The following CNTNAP2 variants were observed in gnomAD, a reference collection of about 807,000 sequenced individuals.
CNTNAP2 encodes contactin-associated protein-like 2.
A neutral mutation model predicts 155.2 loss-of-function variants in CNTNAP2; 98 were observed. That is an observed-to-expected ratio of 0.63 (90% CI 0.54 to 0.75). The LOEUF (loss-of-function observed/expected upper bound fraction) is 0.75. Among genes scored for constraint, CNTNAP2 ranks in the 30% least tolerant of loss-of-function variants. CNTNAP2 has a pLI of 0.00. For synonymous variants in CNTNAP2, 651 were observed against 631.2 expected (o/e 1.03, Z -0.47); for missense variants, 1,727 against 1,688.1 (o/e 1.02, Z -0.40).
intron 5 of CNTNAP2, among the ~76,000 whole-genome samples, chr7:147,111,941 A>G (rs992367572): frequency 2.6e-5 from 4 of 152,156 alleles, no homozygotes; most frequent in African/African-American, 9.7e-5. Context: ...TATTGAATCT[A>G]TGTATTGCTT....
rs1260900040 is a variant in CNTNAP2 at position 148,420,992 on chromosome 7, C to T, written c.*5376C>T. 1 of 152,496 alleles carries T rather than the reference C, an allele frequency of 6.6e-6. No individual in the cohort carries two copies. Among genetic ancestry groups the T allele is most frequent in the Non-Finnish European group, 1.5e-5 (1 of 68,034 alleles). 9.4% of individuals were successfully genotyped at this position (152,496 alleles called of 1,614,324 possible). A position where few individuals can be genotyped will look rare whatever the true frequency, so the allele number is the denominator to read the frequency against. On this transcript the variant is annotated 3_prime_UTR_variant, in exon 24 of 24. Transcript: ENST00000361727. ...AAAAATTCAAAGTAGTTTTAATTAT[C>T]CTAAAAGCGATTCTTCGTGTTTTGT...
At chr7:147,796,527 G>GA (rs908497482) in intron 13 of CNTNAP2, among the ~76,000 whole-genome samples, 1 of 151,560 alleles carries the variant, frequency 6.6e-6, no homozygotes, top group African/African-American at 2.4e-5. Flanking sequence ...CAGAGCAGTA[G>GA]AAGACATGGC....
chr7:146,821,365 G>A (rs1004091649), intron 2 of CNTNAP2, among the ~76,000 whole-genome samples: 1 of 152,040 alleles, frequency 6.6e-6, no homozygotes, highest in Non-Finnish European at 1.5e-5. Context: ...GCCTGGTGGT[G>A]ACAAAATCTC....
intron 8 of CNTNAP2, among the ~76,000 whole-genome samples, chr7:147,283,518 T>C (rs1424499063): frequency 6.6e-6 from 1 of 151,898 alleles, no homozygotes; most frequent in East Asian, 1.9e-4. Context: ...AAAAAAAGAT[T>C]ATCTGTGGAT....
At chr7:147,646,678 G>A (rs1795369308) in intron 13 of CNTNAP2, among the ~76,000 whole-genome samples, 1 of 152,148 alleles carries the variant, frequency 6.6e-6, no homozygotes, top group Non-Finnish European at 1.5e-5. Context: ...CTGAAGCAAG[G>A]GAGGAGCAGG....
At chr7:146,160,562 T>A (rs1798202357) in intron 1 of CNTNAP2, among the ~76,000 whole-genome samples, 3 of 152,164 alleles carry the variant, frequency 2.0e-5, no homozygotes, top group African/African-American at 7.2e-5. Context: ...GATCAGAGAA[T>A]ACTACAAACA....
intron 4 of CNTNAP2, among the ~76,000 whole-genome samples, chr7:147,094,116 C>T (rs1212086664): frequency 6.6e-6 from 1 of 152,110 alleles, no homozygotes; most frequent in Non-Finnish European, 1.5e-5. Flanking sequence ...CCCCATGGCA[C>T]CTCTATACAT....
intron 10 of CNTNAP2, among the ~76,000 whole-genome samples, chr7:147,436,641 A>G (rs562200424): frequency 2.6e-5 from 4 of 152,182 alleles, no homozygotes; most frequent in Non-Finnish European, 2.9e-5. Context: ...CCTGAGCTCA[A>G]CTCCACTGAA....
intron 14 of CNTNAP2, among the ~76,000 whole-genome samples, chr7:147,961,599 A>G (rs1281289774): frequency 6.6e-6 from 1 of 152,188 alleles, no homozygotes; most frequent in Non-Finnish European, 1.5e-5. Flanking sequence ...AAATGAGAGA[A>G]CATTTCTATT....
intron 21 of CNTNAP2, among the ~76,000 whole-genome samples, chr7:148,356,033 T>A (rs1406092216): frequency 1.3e-5 from 2 of 152,240 alleles, no homozygotes; most frequent in African/African-American, 4.8e-5. Context: ...TCTTATTTTA[T>A]TGTGAAAAGA....
At chr7:146,767,247 C>T (rs979660975) in intron 1 of CNTNAP2, among the ~76,000 whole-genome samples, 5 of 152,102 alleles carry the variant, frequency 3.3e-5, no homozygotes, top group Non-Finnish European at 7.4e-5. Context: ...AAGTTAGTTG[C>T]TTCTGCCATG....
intron 1 of CNTNAP2, among the ~76,000 whole-genome samples, chr7:146,160,723 C>CA (rs1479915982): frequency 1.3e-5 from 2 of 151,826 alleles, no homozygotes; most frequent in South Asian, 4.1e-4. Context: ...GCCTACCAAC[C>CA]AAAAAAAGTC....
chr7:147,436,062 A>G (rs546233540), intron 10 of CNTNAP2, among the ~76,000 whole-genome samples: 41 of 152,318 alleles, frequency 2.7e-4, no homozygotes, highest in Non-Finnish European at 5.0e-4. Context: ...CAATGGTGCC[A>G]GAGTAGTCAT....
At chr7:146,907,357 C>A (rs1328765305) in intron 3 of CNTNAP2, among the ~76,000 whole-genome samples, 58 of 147,136 alleles carry the variant, frequency 3.9e-4, no homozygotes, top group African/African-American at 1.3e-3. Flanking sequence ...GTCAGATTCA[C>A]CGAAGTTGAA....
At chr7:146,837,712 A>G (rs1019075948) in intron 2 of CNTNAP2, among the ~76,000 whole-genome samples, 19 of 152,286 alleles carry the variant, frequency 1.2e-4, no homozygotes, top group Middle Eastern at 3.4e-3. Flanking sequence ...TGTTCCATCA[A>G]AAAATTAATT....
chr7:147,906,257 C>A (rs189294963), intron 14 of CNTNAP2, among the ~76,000 whole-genome samples: 226 of 151,960 alleles, frequency 1.5e-3, no homozygotes, highest in African/African-American at 5.2e-3. Context: ...AGTGGCAAAA[C>A]CTCGGCCCAC....
intron 13 of CNTNAP2, among the ~76,000 whole-genome samples, chr7:147,670,159 C>T (rs1795764637): frequency 6.6e-6 from 1 of 152,172 alleles, no homozygotes; most frequent in African/African-American, 2.4e-5. Flanking sequence ...CTGAAACAGT[C>T]TCCTGTAATT....
intron 1 of CNTNAP2, among the ~76,000 whole-genome samples, chr7:146,130,427 A>G (rs1436357162): frequency 3.3e-5 from 5 of 152,222 alleles, no homozygotes; most frequent in Non-Finnish European, 7.3e-5. Context: ...TAATGATTGC[A>G]CCACTGCATT....
chr7:146,916,001 G>A (rs946727056), intron 3 of CNTNAP2: 8 of 151,628 alleles, frequency 5.3e-5, no homozygotes, highest in African/African-American at 1.5e-4. Flanking sequence ...CTTCTATGCC[G>A]ATTTTGCTGA....
Sources: gnomAD v4.1 joint callset for allele counts (sites outside exome capture counted in the v4.1 genomes callset) on GRCh38, gnomAD v4.1.1 for gene constraint, MANE v1.5 for transcripts, NCBI Gene and HGNC (gene_info 2026-07-23, HGNC 2026-07-21) for gene names.